The following FSTL5 variants were observed in gnomAD, a reference collection of about 807,000 sequenced individuals.
FSTL5 encodes follistatin-related protein 5.
Under a neutral mutation model 89.1 loss-of-function variants are expected in FSTL5, and 62 were observed. The ratio of observed to expected loss-of-function variants is 0.70; its 90% CI spans 0.57 to 0.86. The LOEUF is 0.86. FSTL5 is among the 40% of genes least tolerant of loss of function. The pLI is 0.00. For synonymous variants in FSTL5, 383 were observed against 346.2 expected, an observed-to-expected ratio of 1.11 and a Z score of -1.18; for missense variants, 1,057 against 1,001.6, an observed-to-expected ratio of 1.06 and a Z score of -0.75.
chr4:161,668,312 C>A (rs1736969330), intron 6 of FSTL5, among the ~76,000 whole-genome samples: 1 of 152,152 alleles, frequency 6.6e-6, no homozygotes, highest in South Asian at 2.1e-4. Context: ...TGCTAAAACT[C>A]ATTTAAGTAG....
intron 6 of FSTL5, 62 bp from the exon 7 acceptor site, chr4:161,656,556 A>C: frequency 1.9e-6 from 2 of 1,055,282 alleles, no homozygotes. Flanking sequence ...TAATAGTATA[A>C]AATTTCTGAA....
intron 7 of FSTL5, among the ~76,000 whole-genome samples, chr4:161,589,993 T>C (rs1052376266): frequency 2.6e-5 from 4 of 152,154 alleles, no homozygotes; most frequent in Non-Finnish European, 1.5e-5. Flanking sequence ...GGAGACTTAC[T>C]GATGCAAGGC....
At chr4:162,073,996 T>C (rs753697802) in intron 2 of FSTL5, among the ~76,000 whole-genome samples, 16 of 151,806 alleles carry the variant, frequency 1.1e-4, no homozygotes, top group Non-Finnish European at 1.6e-4. Flanking sequence ...CATCTCTCAG[T>C]TGTTCCACTG....
chr4:161,824,069 G>A (rs1428951429), intron 4 of FSTL5, among the ~76,000 whole-genome samples: 1 of 152,092 alleles, frequency 6.6e-6, no homozygotes, highest in East Asian at 1.9e-4. Flanking sequence ...TGGGTTCTTG[G>A]TCATGAAGTC....
At chr4:161,510,326 C>A in intron 11 of FSTL5, 72 bp downstream of exon 11, 2 of 929,406 alleles carry the variant, frequency 2.2e-6, no homozygotes, top group Non-Finnish European at 1.6e-6. Context: ...ATTAATGATA[C>A]AAAATATAAT....
chr4:161,577,605 G>A (rs1578940034), intron 8 of FSTL5, among the ~76,000 whole-genome samples: 1 of 151,996 alleles, frequency 6.6e-6, no homozygotes, highest in Non-Finnish European at 1.5e-5. Context: ...ACGAGAAGTT[G>A]GAATTCACAA....
At chr4:162,053,356 A>T (rs1332820010) in intron 2 of FSTL5, among the ~76,000 whole-genome samples, 1 of 151,794 alleles carries the variant, frequency 6.6e-6, no homozygotes, top group Non-Finnish European at 1.5e-5. Context: ...ATAAGTTAAA[A>T]TGGTCTTTTT....
intron 6 of FSTL5, among the ~76,000 whole-genome samples, chr4:161,695,035 G>C (rs1476595079): frequency 6.6e-6 from 1 of 151,584 alleles, no homozygotes; most frequent in Non-Finnish European, 1.5e-5. Context: ...TTAATCATCT[G>C]TTTTTATTTT....
At chr4:161,884,033 A>C in intron 4 of FSTL5, among the ~76,000 whole-genome samples, 1 of 146,108 alleles carries the variant, frequency 6.8e-6, no homozygotes, top group Non-Finnish European at 1.5e-5. Flanking sequence ...ATGATTTTTA[A>C]ATCTTTTTAG....
chr4:161,972,874 GACA>G (rs2111018945), intron 3 of FSTL5, among the ~76,000 whole-genome samples: 1 of 152,254 alleles, frequency 6.6e-6, no homozygotes, highest in East Asian at 1.9e-4. Flanking sequence ...CATCTCCTCT[GACA>G]ACCATCTAAA....
rs945521939 is a variant in FSTL5 at position 161,782,303 on chromosome 4, T to C, written c.410-6229A>G. Among the ~76,000 whole-genome samples, 6 of 152,310 alleles carry C rather than the reference T, an allele frequency of 3.9e-5. 1 individual carries two copies. The highest frequency in any genetic ancestry group is 6.5e-5 in the Admixed American group (1 of 15,302). On this transcript the variant is annotated intron_variant, in intron 4 of 15. Transcript: ENST00000306100. ...GATATGGTAAGAATATATTTAGTTT[T>C]GTAAGAAGCTGTCAAAGTCTCTTCC...
At chr4:161,513,542 T>C (rs191664978) in intron 10 of FSTL5, among the ~76,000 whole-genome samples, 1 of 152,308 alleles carries the variant, frequency 6.6e-6, no homozygotes, top group African/African-American at 2.4e-5. Flanking sequence ...TGCACACATA[T>C]ATTCATTGCA....
At chr4:161,984,353 A>T (rs1181254176) in intron 3 of FSTL5, among the ~76,000 whole-genome samples, 1 of 151,940 alleles carries the variant, frequency 6.6e-6, no homozygotes, top group Non-Finnish European at 1.5e-5. Flanking sequence ...CTTTAAATTT[A>T]TTTTTGTACA....
At chr4:161,675,334 G>A (rs1052241049) in intron 6 of FSTL5, among the ~76,000 whole-genome samples, 2 of 151,464 alleles carry the variant, frequency 1.3e-5, no homozygotes, top group East Asian at 1.9e-4. Context: ...ACTAATAAAT[G>A]CATATCAGCT....
At chr4:161,487,756 GT>G (rs1729729644) in intron 12 of FSTL5, among the ~76,000 whole-genome samples, 1 of 151,884 alleles carries the variant, frequency 6.6e-6, no homozygotes, top group Non-Finnish European at 1.5e-5. Flanking sequence ...GTCTATTGCT[GT>G]AAATTTTAAA....
rs191328214 is a variant in FSTL5, at chr4:161,429,101, G to A, written c.1841+25903C>T. On this transcript the variant is annotated intron_variant, in intron 15 of 15. Coordinates refer to ENST00000306100, the MANE Select transcript of FSTL5 (RefSeq NM_020116.5). Reference sequence around the variant, plus strand: ...CAGTGCTCACTGCAGGCCTGGGGCAGTGGGGACCACAAGGAGAAGAGTGAA... The same window carrying A: ...CAGTGCTCACTGCAGGCCTGGGGCAATGGGGACCACAAGGAGAAGAGTGAA... Among the ~76,000 whole-genome samples the A allele has an allele frequency of 2.5e-3, 377 of 152,222 alleles. 2 individuals carry two copies. The highest frequency in any genetic ancestry group is 0.02 in the Middle Eastern group (6 of 294).
rs1190566959 is a variant in FSTL5 at position 161,385,887 on chromosome 4, C to A, written c.2404G>T (p.Asp802Tyr). 2.5e-6 allele frequency: 4 copies of A among 1,613,768 alleles called. No homozygotes were observed. Among genetic ancestry groups the A allele is most frequent in the East Asian group, 2.2e-5 (1 of 44,870 alleles). Residue 802 changes from aspartate (D) to tyrosine (Y), a missense_variant, in exon 16 of 16, where the codon GAC (aspartate) becomes TAC (tyrosine). Around this residue, in one of 3 missense-constraint regions of FSTL5, gnomAD observed 68 missense variants for 73.3 expected, o/e 0.93. Transcript: ENST00000306100. ...AGGTATTGACCAAACAAGCCACTGT[C>A]CTGGATTTGCCTGTTTTTCCGGTTC... ...PWNRKNRQIQDSGLFGQYLMT... is the reference protein window; with the variant it reads ...PWNRKNRQIQYSGLFGQYLMT...
intron 4 of FSTL5, among the ~76,000 whole-genome samples, chr4:161,870,380 AGC>A (rs1429345177): frequency 7.1e-5 from 10 of 141,330 alleles, no homozygotes; most frequent in East Asian, 2.7e-4. Context: ...ACAAAGAGAG[AGC>A]GAGAGGAGAG....
chr4:161,422,429 C>T (rs1162248173), intron 15 of FSTL5, among the ~76,000 whole-genome samples: 4 of 152,098 alleles, frequency 2.6e-5, no homozygotes, highest in African/African-American at 9.7e-5. Context: ...GTTTTTTCTC[C>T]TGAGCTAGTG....
Sources: allele counts gnomAD v4.1 joint callset (sites outside exome capture counted in the v4.1 genomes callset), GRCh38; gene constraint gnomAD v4.1.1; regional missense constraint gnomAD v4.1.1; transcripts MANE v1.5; gene names NCBI Gene and HGNC (gene_info 2026-07-23, HGNC 2026-07-21).